Variants in RIT2 observed in about 807,000 individuals in gnomAD.
The protein encoded by RIT2 is Ras like without CAAX 2, also known as GTP-binding protein Rit2.
RIT2 carries 24 observed loss-of-function variants against 23.7 expected under a neutral mutation model. The ratio of observed to expected loss-of-function variants is 1.01; its 90% CI spans 0.73 to 1.43. RIT2 has a LOEUF of 1.43. Among genes scored for constraint, RIT2 ranks in the 40% most tolerant of loss-of-function variants. RIT2 has a pLI of 0.00. For synonymous variants in RIT2, 107 were observed against 91.1 expected, an observed-to-expected ratio of 1.17 and a Z score of -0.99; for missense variants, 236 against 266.9, an observed-to-expected ratio of 0.88 and a Z score of 0.81.
chr18:43,081,093 A>C (rs541986466), intron 1 of RIT2, among the ~76,000 whole-genome samples: 1 of 152,270 alleles, frequency 6.6e-6, no homozygotes, highest in Admixed American at 6.5e-5. Flanking sequence ...TCTGTTATGT[A>C]AGAAATTAAT....
At chr18:42,997,225 C>G (rs1487711886) in intron 2 of RIT2, among the ~76,000 whole-genome samples, 6 of 152,132 alleles carry the variant, frequency 3.9e-5, no homozygotes, top group Non-Finnish European at 7.4e-5. Flanking sequence ...GTGATTGGCA[C>G]ATGTCCTTTT....
intron 1 of RIT2, among the ~76,000 whole-genome samples, chr18:43,041,930 A>AAT (rs142287829): frequency 0.016 from 2,433 of 151,576 alleles, 70 homozygotes; most frequent in African/African-American, 0.054. Context: ...CCTACAAAAT[A>AAT]ATATATATAT....
At chr18:43,088,697 T>C in intron 1 of RIT2, among the ~76,000 whole-genome samples, 1 of 152,148 alleles carries the variant, frequency 6.6e-6, no homozygotes, top group African/African-American at 2.4e-5. Context: ...GTCTGACATA[T>C]TTATCATCAT....
chr18:42,810,356 T>G (rs1184041505), intron 4 of RIT2, among the ~76,000 whole-genome samples: 3 of 151,876 alleles, frequency 2.0e-5, no homozygotes, highest in African/African-American at 7.2e-5. Context: ...AAGAAAGACA[T>G]GCTCATTAGT....
chr18:43,031,123 C>A (rs1294503670), intron 2 of RIT2, among the ~76,000 whole-genome samples: 1 of 151,530 alleles, frequency 6.6e-6, no homozygotes, highest in Admixed American at 6.6e-5. Context: ...AGCTTTGTCA[C>A]TTGTTGTGCT....
In RIT2 at chr18:42,865,312, T is replaced by C. The variant is rs116991408; in HGVS notation, c.426+58260A>G. ...CTTTCCTTGAGGACCTGATGTGGAG[T>C]CCCTGTGTTCTGCAAATCCAAGCCC... is the stretch of plus-strand genomic sequence containing the variant. On this transcript the variant is annotated intron_variant, in intron 4 of 4. Coordinates refer to ENST00000326695, the MANE Select transcript of RIT2 (RefSeq NM_002930.4). 6.3e-3 allele frequency among the ~76,000 whole-genome samples: 958 copies of C among 152,208 alleles called. 3 individuals are homozygous for C. The highest frequency in any genetic ancestry group is 0.014 in the Middle Eastern group (4 of 294).
chr18:43,112,350 T>C (rs1216469668), intron 1 of RIT2, among the ~76,000 whole-genome samples: 2 of 152,220 alleles, frequency 1.3e-5, no homozygotes, highest in East Asian at 3.8e-4. Flanking sequence ...GGACTGAGTA[T>C]AAGCGTGAAA....
chr18:42,982,687 A>G, intron 2 of RIT2, among the ~76,000 whole-genome samples: 1 of 152,174 alleles, frequency 6.6e-6, no homozygotes, highest in Non-Finnish European at 1.5e-5. Context: ...TCAGGATTTC[A>G]ACTTTCAGGA....
chr18:42,941,749 G>T (rs1909605120), intron 3 of RIT2, among the ~76,000 whole-genome samples: 1 of 151,964 alleles, frequency 6.6e-6, no homozygotes, highest in Non-Finnish European at 1.5e-5. Context: ...CAGTGCTGTT[G>T]GTCAAGCATT....
intron 4 of RIT2, among the ~76,000 whole-genome samples, chr18:42,900,731 A>T (rs908447021): frequency 2.2e-4 from 33 of 152,082 alleles, no homozygotes; most frequent in Non-Finnish European, 8.8e-5. Context: ...ACAGAGATTC[A>T]GCTTTGTAGG....
In RIT2 at chr18:42,893,246, C is replaced by G. The variant is rs553471197; in HGVS notation, c.426+30326G>C. On this transcript the variant is annotated intron_variant, in intron 4 of 4. Coordinates refer to ENST00000326695, the MANE Select transcript of RIT2 (RefSeq NM_002930.4). ...GTCTCAAAAAAAAAAAAAAAAAAAG[C>G]TAACTCTCTGAGTCTATGCTGTGCT... 1.6e-4 allele frequency among the ~76,000 whole-genome samples: 23 copies of G among 140,502 alleles called. No homozygotes were observed. The South Asian group carries it at 5.0e-3, about 30-fold the overall frequency. 92.2% of individuals were successfully genotyped at this position (140,502 alleles called of 152,430 possible). A position where few individuals can be genotyped will look rare whatever the true frequency, so the allele number is the denominator to read the frequency against.
intron 4 of RIT2, among the ~76,000 whole-genome samples, chr18:42,910,498 G>A (rs1908740166): frequency 6.6e-6 from 1 of 152,138 alleles, no homozygotes; most frequent in South Asian, 2.1e-4. Context: ...CCCAAATGTT[G>A]CATTTTGGCC....
chr18:42,879,235 C>T (rs1351397735), intron 4 of RIT2, among the ~76,000 whole-genome samples: 2 of 152,138 alleles, frequency 1.3e-5, no homozygotes, highest in African/African-American at 2.4e-5. Context: ...AGCCAAATCA[C>T]TTCTTGCCTG....
intron 4 of RIT2, among the ~76,000 whole-genome samples, chr18:42,783,537 A>G (rs965248482): frequency 7.7e-6 from 1 of 130,214 alleles, no homozygotes; most frequent in Admixed American, 7.3e-5. Flanking sequence ...TTAAACAAAA[A>G]TGTTGATTTT....
rs575759915 is a variant in RIT2 at position 43,011,492 on chromosome 18, TATTTC to T, written c.160+22314_160+22318del. ...TCTAGCTCCACCTTTTATTTTATTTTATTTCATTTATAGATTAAAGAAAAGTTTGG... is the reference window on the plus strand; with the variant it reads ...TCTAGCTCCACCTTTTATTTTATTTTATTTATAGATTAAAGAAAAGTTTGG... On this transcript the variant is annotated intron_variant, in intron 2 of 4. Coordinates refer to ENST00000326695, the MANE Select transcript of RIT2 (RefSeq NM_002930.4). Among the ~76,000 whole-genome samples the T allele has an allele frequency of 3.7e-4, 55 of 149,964 alleles. 2 individuals are homozygous for T. In the South Asian group the frequency reaches 8.2e-3, roughly 22 times the overall value.
intron 2 of RIT2, among the ~76,000 whole-genome samples, chr18:42,978,678 G>A (rs1208962877): frequency 6.6e-6 from 1 of 152,058 alleles, no homozygotes; most frequent in Non-Finnish European, 1.5e-5. Context: ...CATTCTTGGA[G>A]GCATCCACTA....
intron 4 of RIT2, among the ~76,000 whole-genome samples, chr18:42,810,968 T>C (rs1905834360): frequency 6.6e-6 from 1 of 152,070 alleles, no homozygotes; most frequent in South Asian, 2.1e-4. Flanking sequence ...AGTGGTATAA[T>C]TTTTCCCTAG....
rs191113944 is a variant in RIT2 at position 42,803,737 on chromosome 18, T to C, written c.427-60017A>G. Among the ~76,000 whole-genome samples the C allele has an allele frequency of 5.9e-3, 892 of 152,338 alleles. 6 individuals are homozygous for C. The highest frequency in any genetic ancestry group is 0.02 in the African/African-American group (852 of 41,578). The stretch of plus-strand genomic sequence containing the variant: ...CTGATGCTATTTGCTGCCCGTGGTA[T>C]TTATTAATAGTCCTATAAAGCATTT... On this transcript the variant is annotated intron_variant, in intron 4 of 4. Coordinates refer to ENST00000326695, the MANE Select transcript of RIT2 (RefSeq NM_002930.4).
intron 4 of RIT2, among the ~76,000 whole-genome samples, chr18:42,774,724 T>C (rs1041964732): frequency 6.6e-6 from 1 of 152,022 alleles, no homozygotes; most frequent in African/African-American, 2.4e-5. Context: ...TATTGTGAAA[T>C]ATTAGGAGAG....
Sources: gnomAD v4.1 joint callset for allele counts (sites outside exome capture counted in the v4.1 genomes callset) on GRCh38, gnomAD v4.1.1 for gene constraint, MANE v1.5 for transcripts, NCBI Gene and HGNC (gene_info 2026-07-23, HGNC 2026-07-21) for gene names.